Variants in CADM2 observed in about 807,000 individuals in gnomAD.
The protein encoded by CADM2 is immunoglobulin superfamily member 4D.
CADM2 carries 12 observed loss-of-function variants against 49.8 expected under a neutral mutation model. The ratio of observed to expected loss-of-function variants is 0.24; its 90% CI spans 0.15 to 0.39. CADM2 has a LOEUF of 0.39. Among genes scored for constraint, CADM2 ranks in the 10% least tolerant of loss-of-function variants. The pLI is 1.00. For missense variants in CADM2, 378 were observed against 492.3 expected (o/e 0.77, Z 2.20); for synonymous variants, 214 against 175.4 (o/e 1.22, Z -1.74).
chr3:85,972,795 A>C (rs564201109), intron 8 of CADM2, among the ~76,000 whole-genome samples: 1 of 151,784 alleles, frequency 6.6e-6, no homozygotes, highest in South Asian at 2.1e-4. Context: ...GTTGGAAGTG[A>C]TTTCCTTTTG....
chr3:85,032,214 G>GTT (rs763603532), intron 1 of CADM2, among the ~76,000 whole-genome samples: 1 of 119,508 alleles, frequency 8.4e-6, no homozygotes, highest in Non-Finnish European at 1.8e-5. Flanking sequence ...CCCAGTTACT[G>GTT]GTTTTTTTTT....
intron 1 of CADM2, among the ~76,000 whole-genome samples, chr3:85,640,760 G>A (rs2064685485): frequency 6.6e-6 from 1 of 152,118 alleles, no homozygotes; most frequent in Non-Finnish European, 1.5e-5. Flanking sequence ...AAGGATAAAT[G>A]AATGAAAAAG....
At chr3:85,509,735 T>C (rs1217241227) in intron 1 of CADM2, among the ~76,000 whole-genome samples, 2 of 152,118 alleles carry the variant, frequency 1.3e-5, no homozygotes, top group Non-Finnish European at 2.9e-5. Flanking sequence ...AAAACCGCTA[T>C]ATAAATAGGT....
At chr3:85,566,503 G>A (rs2062261912) in intron 1 of CADM2, among the ~76,000 whole-genome samples, 3 of 151,988 alleles carry the variant, frequency 2.0e-5, no homozygotes, top group Non-Finnish European at 1.5e-5. Flanking sequence ...TTTACCCAAG[G>A]CAATGATCAG....
At chr3:85,926,180 A>AT (rs1280676204) in intron 6 of CADM2, among the ~76,000 whole-genome samples, 5 of 147,578 alleles carry the variant, frequency 3.4e-5, no homozygotes, top group African/African-American at 7.5e-5. Context: ...AAATAAATAG[A>AT]AAATAGATAA....
rs115604422 is a variant in CADM2, at chr3:85,358,743, C to T, written c.62-367779C>T. Among the ~76,000 whole-genome samples the T allele has an allele frequency of 9.7e-3, 1,481 of 152,196 alleles. 26 individuals are homozygous for T. Among genetic ancestry groups the T allele is most frequent in the African/African-American group, 0.034 (1,397 of 41,530 alleles). The stretch of plus-strand genomic sequence containing the variant: ...CCTCAAGAAATACTTATTATGAAGA[C>T]GTATTCACTGTGTACTGTTAATTGT... On this transcript the variant is annotated intron_variant, in intron 1 of 9. Transcript: ENST00000383699.
intron 1 of CADM2, among the ~76,000 whole-genome samples, chr3:85,579,815 T>G (rs981609925): frequency 1.3e-5 from 2 of 152,116 alleles, no homozygotes; most frequent in East Asian, 3.9e-4. Context: ...TAGATTCATA[T>G]AAATATGTAT....
chr3:85,513,358 C>G (rs995955799), intron 1 of CADM2, among the ~76,000 whole-genome samples: 2 of 151,834 alleles, frequency 1.3e-5, no homozygotes, highest in Non-Finnish European at 2.9e-5. Context: ...AAAAAAAGGA[C>G]AAAGTATTTT....
chr3:85,955,869 G>T (rs1184839982), intron 7 of CADM2, among the ~76,000 whole-genome samples: 1 of 151,394 alleles, frequency 6.6e-6, no homozygotes, highest in East Asian at 1.9e-4. Context: ...AACGCCTCAG[G>T]ATATTTGAGA....
At chr3:85,430,492 T>C (rs1035175654) in intron 1 of CADM2, among the ~76,000 whole-genome samples, 8 of 151,542 alleles carry the variant, frequency 5.3e-5, no homozygotes, top group African/African-American at 1.7e-4. Context: ...CACTCCTGCC[T>C]GGGTGACAGA....
chr3:85,336,555 A>G (rs1437959508), intron 1 of CADM2, among the ~76,000 whole-genome samples: 1 of 151,300 alleles, frequency 6.6e-6, no homozygotes, highest in Non-Finnish European at 1.5e-5. Context: ...AGAAAACTAT[A>G]TTTCTGTGAA....
intron 2 of CADM2, among the ~76,000 whole-genome samples, chr3:85,771,642 G>A (rs1360081313): frequency 6.6e-6 from 1 of 151,920 alleles, no homozygotes; most frequent in Non-Finnish European, 1.5e-5. Context: ...AATGAACAAA[G>A]GAATTTCTAA....
chr3:85,348,389 GAAT>G (rs1190976234), intron 1 of CADM2, among the ~76,000 whole-genome samples: 3 of 152,140 alleles, frequency 2.0e-5, no homozygotes, highest in African/African-American at 7.2e-5. Flanking sequence ...GAAACACTAA[GAAT>G]AATGTTTGAC....
At chr3:85,789,074 A>T (rs912485876) in intron 2 of CADM2, among the ~76,000 whole-genome samples, 2 of 152,068 alleles carry the variant, frequency 1.3e-5, no homozygotes, top group African/African-American at 4.8e-5. Context: ...AGGGACTTCA[A>T]TTTTAAACAG....
chr3:85,691,115 C>T (rs1200831656), intron 1 of CADM2, among the ~76,000 whole-genome samples: 1 of 152,122 alleles, frequency 6.6e-6, no homozygotes, highest in Non-Finnish European at 1.5e-5. Context: ...TACTCTTATT[C>T]TCTCCTCTAC....
At chr3:85,615,760 T>G (rs984559116) in intron 1 of CADM2, among the ~76,000 whole-genome samples, 6 of 151,758 alleles carry the variant, frequency 4.0e-5, no homozygotes, top group Non-Finnish European at 8.8e-5. Flanking sequence ...GCCCTATAGA[T>G]CTGAAGACCT....
At chr3:85,537,816 C>T (rs1048751654) in intron 1 of CADM2, among the ~76,000 whole-genome samples, 1 of 151,942 alleles carries the variant, frequency 6.6e-6, no homozygotes, top group South Asian at 2.1e-4. Flanking sequence ...GAAATTAGAA[C>T]TAATTATATA....
chr3:85,623,644 T>C (rs1365621110), intron 1 of CADM2, among the ~76,000 whole-genome samples: 1 of 152,186 alleles, frequency 6.6e-6, no homozygotes, highest in Non-Finnish European at 1.5e-5. Context: ...ATGTCGAGTT[T>C]CTTGTTTTAT....
At chr3:85,649,586 A>T (rs2064986306) in intron 1 of CADM2, among the ~76,000 whole-genome samples, 1 of 152,202 alleles carries the variant, frequency 6.6e-6, no homozygotes, top group Admixed American at 6.5e-5. Flanking sequence ...TCAGAAATGT[A>T]GTTAAGTTAC....
Sources: allele counts gnomAD v4.1 joint callset (sites outside exome capture counted in the v4.1 genomes callset), GRCh38; gene constraint gnomAD v4.1.1; transcripts MANE v1.5; gene names NCBI Gene and HGNC (gene_info 2026-07-23, HGNC 2026-07-21).